The following CYP4V2 variants were observed in gnomAD, a reference collection of about 807,000 sequenced individuals.
CYP4V2 encodes the protein cytochrome P450 4V2.
In CYP4V2, 55 loss-of-function variants were observed where a neutral mutation model predicts 60.8. The observed-to-expected ratio is 0.90, with a 90% CI of 0.73 to 1.13. The LOEUF (loss-of-function observed/expected upper bound fraction) is 1.13, where lower values mean the gene tolerates loss of function less well. Ranked by LOEUF, CYP4V2 falls within the 50% of genes most tolerant of loss-of-function variation. The probability of loss-of-function intolerance (pLI) is 0.00; values close to 1 mark genes in which losing one functional copy is unlikely to be tolerated. For missense variants in CYP4V2, 675 were observed against 662.9 expected (o/e 1.02, Z -0.20); for synonymous variants, 239 against 236.8 (o/e 1.01, Z -0.08).
intron 8 of CYP4V2, among the ~76,000 whole-genome samples, chr4:186,206,973 C>G (rs1042899131): frequency 1.3e-5 from 2 of 152,282 alleles, no homozygotes; most frequent in African/African-American, 4.8e-5. Context: ...AAGTTTAGCT[C>G]ATTACCAGTT....
rs186878730 is a variant in CYP4V2 at position 186,200,863 on chromosome 4, A to G, written c.802-294A>G. 5.3e-5 allele frequency among the ~76,000 whole-genome samples: 8 copies of G among 152,244 alleles called. No individual in the cohort carries two copies. The East Asian group carries it at 1.5e-3, about 29-fold the overall frequency. ...TTCTCATTAGCGCAATCCAATCTCTAGGGTACTATCTAGTAGACTATGATT... is the reference window on the plus strand; with the variant it reads ...TTCTCATTAGCGCAATCCAATCTCTGGGGTACTATCTAGTAGACTATGATT... On this transcript the variant is annotated intron_variant, in intron 6 of 10. Transcript: ENST00000378802.
chr4:186,204,581 T>G (rs1442173775), intron 7 of CYP4V2: 1 of 190,844 alleles, frequency 5.2e-6, no homozygotes, highest in East Asian at 1.3e-4. Flanking sequence ...ACTAAGCTGT[T>G]TAGCACAGAA....
intron 7 of CYP4V2, chr4:186,202,887 T>C (rs1029896059): frequency 3.4e-5 from 5 of 148,020 alleles, no homozygotes; most frequent in African/African-American, 1.2e-4. Flanking sequence ...CACACATGCA[T>C]GCATACACAT....
At position 186,209,072 on chromosome 4, in the gene CYP4V2, GTA is replaced by G; in HGVS notation, c.1226-19_1226-18del. ...GTCTACCTTGCTCCGGTCTCATAAT[GTA>G]TTGACTACTTCTTGACAGCAGGTTA... On this transcript the variant is annotated intron_variant, in intron 9 of 10. Transcript: ENST00000378802. The G allele has an allele frequency of 6.2e-7, 1 of 1,614,160 alleles. No homozygotes were observed. Among genetic ancestry groups the G allele is most frequent in the Non-Finnish European group, 8.5e-7 (1 of 1,180,030 alleles).
At chr4:186,194,696 A>G (rs1736097817) in intron 2 of CYP4V2, 84 bp downstream of exon 2, 10 of 1,275,802 alleles carry the variant, frequency 7.8e-6, no homozygotes, top group Non-Finnish European at 1.1e-5. Flanking sequence ...ACGTGTCCTT[A>G]TATTTCAGCC....
intron 7 of CYP4V2, chr4:186,204,724 C>A (rs920476505): frequency 3.3e-5 from 8 of 238,858 alleles, no homozygotes; most frequent in Non-Finnish European, 6.7e-5. Flanking sequence ...GCCTAAAACT[C>A]AGCAAGTATG....
At chr4:186,197,332 C>T in intron 4 of CYP4V2, 1 of 848,874 alleles carries the variant, frequency 1.2e-6, no homozygotes. Flanking sequence ...AGCAACTGCC[C>T]AGGGAGGCGA....
intron 1 of CYP4V2, among the ~76,000 whole-genome samples, chr4:186,193,186 T>C (rs1736040486): frequency 6.6e-6 from 1 of 152,180 alleles, no homozygotes; most frequent in Admixed American, 6.5e-5. Flanking sequence ...ACCACCCCTT[T>C]TGTCCTAAGG....
At chr4:186,198,564 G>A (rs1428621597) in intron 5 of CYP4V2, among the ~76,000 whole-genome samples, 7 of 152,306 alleles carry the variant, frequency 4.6e-5, no homozygotes, top group Admixed American at 2.6e-4. Context: ...GAAGAGGGCA[G>A]CCAGTTGTCT....
In CYP4V2 at chr4:186,195,789, C is replaced by T. The variant is rs1318026836; in HGVS notation, c.328-214C>T. Among the ~76,000 whole-genome samples, 1 of 152,138 alleles carries T rather than the reference C, an allele frequency of 6.6e-6. No homozygotes were observed. The highest frequency in any genetic ancestry group is 2.4e-5 in the African/African-American group (1 of 41,426). On this transcript the variant is annotated intron_variant, in intron 2 of 10. Coordinates refer to ENST00000378802, the MANE Select transcript of CYP4V2 (RefSeq NM_207352.4). The surrounding 1 kb of genome is among the most constrained non-coding windows in gnomAD (Gnocchi z 4.1). ...GAATCATCTGGGACATCTTTCTTCC[C>T]CCCAACTCCATTGAGTCCCCAAGAC...
Position 186,198,851 on chromosome 4 carries a change from C to T in CYP4V2, c.675-106C>T, listed in dbSNP as rs112401237. The T allele has an allele frequency of 1.1e-3, 1,758 of 1,556,680 alleles. 19 individuals carry two copies. The African/African-American group carries it at 0.02, about 18-fold the overall frequency. The stretch of plus-strand genomic sequence containing the variant: ...AGCTCTTAGTAGCCTCTAAGACAAT[C>T]ATCGTCATTCCCACGATTGCCTTCA... On this transcript the variant is annotated intron_variant, in intron 5 of 10. Transcript: ENST00000378802.
intron 10 of CYP4V2, 24 bp from the exon 11 acceptor site, chr4:186,210,445 G>A (rs904164188): frequency 3.7e-6 from 6 of 1,613,942 alleles, no homozygotes; most frequent in Non-Finnish European, 3.4e-6. Flanking sequence ...TAACTAAAGC[G>A]ATGGTATCTA....
At chr4:186,204,757 T>C (rs745793722) in intron 7 of CYP4V2, 1 of 248,978 alleles carries the variant, frequency 4.0e-6, no homozygotes, top group Non-Finnish European at 8.0e-6. Context: ...TGTCAATTTT[T>C]ACTGCAGAGG....
Position 186,210,892 on chromosome 4 carries a change from A to C in CYP4V2, c.*251A>C. The C allele has an allele frequency of 2.4e-6, 1 of 413,912 alleles. No individual in the cohort carries two copies. Among genetic ancestry groups the C allele is most frequent in the South Asian group, 2.3e-5 (1 of 43,528 alleles). 25.6% of individuals were successfully genotyped at this position (413,912 alleles called of 1,614,324 possible). On this transcript the variant is annotated 3_prime_UTR_variant, in exon 11 of 11. Coordinates refer to ENST00000378802, the MANE Select transcript of CYP4V2 (RefSeq NM_207352.4). Reference sequence around the variant, plus strand: ...TCTGTCGCCCAGGCTGGAGGAGTGCAGTGGTGTGATCTCAGCTCACTGCAA... The same window carrying C: ...TCTGTCGCCCAGGCTGGAGGAGTGCCGTGGTGTGATCTCAGCTCACTGCAA...
Position 186,197,114 on chromosome 4 carries a change from C to T in CYP4V2, c.588C>T (p.Ala196=). The part of the protein sequence containing the change: ...FNCFFYITLC[A]LDIICETAMG... ...GCTTTTTTTACATCACTCTTTGTGC[C>T]TTAGATATCATCTGTGGTGAGTCTC... Residue 196 remains alanine (A), a synonymous_variant, in exon 4 of 11, where the codon GCC becomes GCT. Coordinates refer to ENST00000378802, the MANE Select transcript of CYP4V2 (RefSeq NM_207352.4). 1 of 1,613,830 alleles carries T rather than the reference C, an allele frequency of 6.2e-7. No homozygotes were observed. Among genetic ancestry groups the T allele is most frequent in the South Asian group, 1.1e-5 (1 of 91,062 alleles).
rs138173968 is a variant in CYP4V2, at chr4:186,194,525, C to T, written c.240C>T (p.Tyr80=). 2.4e-5 allele frequency: 39 copies of T among 1,614,118 alleles called. No homozygotes were observed. The African/African-American group carries it at 4.5e-4, about 19-fold the overall frequency. The part of the protein sequence containing the change: ...GREFFQQIIE[Y]TEEYRHMPLL... ...AATTTTTTCAGCAGATCATTGAGTA[C>T]ACAGAGGAATACCGCCACATGCCGC... Residue 80 remains tyrosine (Y), a synonymous_variant, in exon 2 of 11, where the codon TAC becomes TAT. Transcript: ENST00000378802.
chr4:186,195,688 G>A lies in CYP4V2; in HGVS notation c.328-315G>A, dbSNP rs1033009423. ...CCACATGTGCCCACCCTCCAGATTC[G>A]CCTCCTCCCACCTCACTGTCCCCCT... On this transcript the variant is annotated intron_variant, in intron 2 of 10. Transcript: ENST00000378802. This position sits in a 1 kb window ranked among gnomAD's most constrained non-coding sequence, Gnocchi z 4.1. 2.6e-5 allele frequency among the ~76,000 whole-genome samples: 4 copies of A among 151,558 alleles called. No individual in the cohort carries two copies. The highest frequency in any genetic ancestry group is 2.1e-4 in the South Asian group (1 of 4,776).
chr4:186,202,731 C>T (rs1426817395), intron 7 of CYP4V2: 2 of 152,206 alleles, frequency 1.3e-5, no homozygotes, highest in African/African-American at 4.8e-5. Context: ...CACATGCACA[C>T]ACCTACATAC....
chr4:186,194,736 A>G, intron 2 of CYP4V2, 124 bp downstream of exon 2: 1 of 852,844 alleles, frequency 1.2e-6, no homozygotes, highest in Non-Finnish European at 1.9e-6. Context: ...TCCACTAAGT[A>G]TTTTAGACTA....
Sources: gnomAD v4.1 joint callset for allele counts (sites outside exome capture counted in the v4.1 genomes callset) on GRCh38, gnomAD v4.1.1 for gene constraint, Gnocchi (gnomAD v3.1) non-coding constraint, MANE v1.5 for transcripts, NCBI Gene and HGNC (gene_info 2026-07-23, HGNC 2026-07-21) for gene names.